Variants in OSBPL9 observed in about 807,000 individuals in gnomAD.
OSBPL9 encodes oxysterol binding protein like 9, also known as oxysterol-binding protein-related protein 9.
Under a neutral mutation model 106.6 loss-of-function variants are expected in OSBPL9, and 40 were observed. The observed-to-expected ratio is 0.38, with a 90% CI of 0.29 to 0.49. The LOEUF (loss-of-function observed/expected upper bound fraction) is 0.49. Ranked by LOEUF, OSBPL9 falls within the 20% of genes least tolerant of loss-of-function variation. OSBPL9 has a pLI of 0.97. For missense variants in OSBPL9, 609 were observed against 887.2 expected (o/e 0.69, Z 3.98); for synonymous variants, 269 against 295.4 (o/e 0.91, Z 0.92).
intron 1 of OSBPL9, among the ~76,000 whole-genome samples, chr1:51,630,315 A>G (rs1324132986): frequency 6.6e-6 from 1 of 152,114 alleles, no homozygotes; most frequent in Admixed American, 6.6e-5. Context: ...ACAAGGTTAG[A>G]GGGACCTTGA....
chr1:51,540,314 C>A, the OSBPL9 span, among the ~76,000 whole-genome samples: 1 of 152,068 alleles, frequency 6.6e-6, no homozygotes, highest in Non-Finnish European at 1.5e-5. Context: ...AGTGACCCTC[C>A]CTGATATGTT....
intron 12 of OSBPL9, among the ~76,000 whole-genome samples, chr1:51,766,513 G>A (rs1672586135): frequency 6.6e-6 from 1 of 152,158 alleles, no homozygotes; most frequent in Non-Finnish European, 1.5e-5. Context: ...ATAATCTAAT[G>A]AAATACGTGG....
intron 12 of OSBPL9, among the ~76,000 whole-genome samples, chr1:51,766,198 G>C (rs946671671): frequency 6.6e-6 from 1 of 152,158 alleles, no homozygotes; most frequent in African/African-American, 2.4e-5. Flanking sequence ...CCAGTTCTGT[G>C]AGAGTTTTGA....
the OSBPL9 span, chr1:51,567,681 A>G: frequency 6.6e-6 from 1 of 152,224 alleles, no homozygotes; most frequent in South Asian, 2.1e-4. Context: ...AAGATTTTGT[A>G]AGAATTAAAT....
At chr1:51,732,565 T>C (rs1440880980) in intron 4 of OSBPL9, among the ~76,000 whole-genome samples, 1 of 152,198 alleles carries the variant, frequency 6.6e-6, no homozygotes, top group East Asian at 1.9e-4. Flanking sequence ...CTTTCCATCT[T>C]CCTTATTTTC....
the OSBPL9 span, among the ~76,000 whole-genome samples, chr1:51,543,231 T>G: frequency 6.6e-6 from 1 of 152,150 alleles, no homozygotes; most frequent in Non-Finnish European, 1.5e-5. Flanking sequence ...AGGATGGAAA[T>G]TAGTAAATGC....
chr1:51,713,541 A>T (rs1255462835), intron 3 of OSBPL9, among the ~76,000 whole-genome samples: 1 of 152,156 alleles, frequency 6.6e-6, no homozygotes, highest in South Asian at 2.1e-4. Flanking sequence ...TCCGCCACAC[A>T]CTGACAAGCT....
intron 4 of OSBPL9, among the ~76,000 whole-genome samples, chr1:51,720,348 CAG>C (rs1256366157): frequency 2.0e-5 from 3 of 149,008 alleles, no homozygotes; most frequent in African/African-American, 5.0e-5. Context: ...TTTTTTGAGA[CAG>C]AGTCTTGCTC....
chr1:51,558,124 C>CA, the OSBPL9 span, among the ~76,000 whole-genome samples: 2 of 152,016 alleles, frequency 1.3e-5, no homozygotes, highest in African/African-American at 4.8e-5. Context: ...ACTAAAAATA[C>CA]AAAAAATTAG....
chr1:51,713,129 T>G (rs896818875), intron 3 of OSBPL9, among the ~76,000 whole-genome samples: 19 of 151,976 alleles, frequency 1.3e-4, no homozygotes, highest in Non-Finnish European at 5.9e-5. Flanking sequence ...GTTGGTTTTT[T>G]TTGTTTTTTT....
chr1:51,736,111 T>C (rs1403918030), intron 4 of OSBPL9, among the ~76,000 whole-genome samples: 1 of 152,346 alleles, frequency 6.6e-6, no homozygotes, highest in East Asian at 1.9e-4. Context: ...AAAATTTTTA[T>C]TGAGGACTTG....
chr1:51,611,754 T>C (rs1307938803), intron 2 of OSBPL9, among the ~76,000 whole-genome samples: 1 of 152,098 alleles, frequency 6.6e-6, no homozygotes, highest in Non-Finnish European at 1.5e-5. Flanking sequence ...GGGGGGTGGA[T>C]CACCTGAGGT....
intron 11 of OSBPL9, chr1:51,765,612 T>A: frequency 2.5e-6 from 1 of 393,792 alleles, no homozygotes; most frequent in Non-Finnish European, 4.5e-6. Context: ...TTTTGTTTCA[T>A]TTATTTAAAA....
At chr1:51,782,448 A>C in intron 16 of OSBPL9, 111 bp from the exon 17 acceptor site, 1 of 721,384 alleles carries the variant, frequency 1.4e-6, no homozygotes, top group Non-Finnish European at 2.3e-6. Context: ...AGAAATATAT[A>C]TATAGGGTGC....
At chr1:51,580,693 C>G (rs1412075783) in intron 1 of OSBPL9, among the ~76,000 whole-genome samples, 1 of 151,654 alleles carries the variant, frequency 6.6e-6, no homozygotes, top group East Asian at 1.9e-4. Context: ...AAGGAATTCA[C>G]AATCTAATGG....
Position 51,786,245 on chromosome 1 carries a change from A to G in OSBPL9, c.1909-281A>G. The G allele has an allele frequency of 1.1e-5, 5 of 449,612 alleles. No individual in the cohort carries two copies. In the South Asian group the frequency reaches 1.2e-4, roughly 10 times the overall value. The allele number at this position is 449,612 out of a possible 1,614,324, so 27.9% of individuals were successfully genotyped here. On this transcript the variant is annotated intron_variant, in intron 21 of 23. Coordinates refer to ENST00000428468, the MANE Select transcript of OSBPL9 (RefSeq NM_024586.6). ...AGCACTAAACTGTGTGTTTCCATAC[A>G]CACACAGTTGAAGATTTTGTATAAT...
chr1:51,582,684 G>T (rs1645227485), intron 1 of OSBPL9: 1 of 151,998 alleles, frequency 6.6e-6, no homozygotes, highest in South Asian at 2.1e-4. Context: ...ACACTCACTT[G>T]TTTATTAAGG....
chr1:51,715,951 A>G (rs778645025), intron 4 of OSBPL9, among the ~76,000 whole-genome samples: 11 of 152,106 alleles, frequency 7.2e-5, no homozygotes, highest in South Asian at 2.1e-4. Flanking sequence ...ATACTATAGT[A>G]TTTGCACAAT....
chr1:51,669,940 G>A (rs1649471493), intron 3 of OSBPL9: 2 of 374,940 alleles, frequency 5.3e-6, no homozygotes, highest in South Asian at 2.0e-5. Flanking sequence ...AAGCTTAGTG[G>A]CAACCTTTGG....
Sources: allele counts gnomAD v4.1 joint callset (sites outside exome capture counted in the v4.1 genomes callset), GRCh38; gene constraint gnomAD v4.1.1; transcripts MANE v1.5; gene names NCBI Gene and HGNC (gene_info 2026-07-23, HGNC 2026-07-21).